The following DGKD variants were observed in gnomAD, a reference collection of about 807,000 sequenced individuals.
The protein encoded by DGKD is DAG kinase delta.
Under a neutral mutation model 154.4 loss-of-function variants are expected in DGKD, and 68 were observed. The observed-to-expected ratio is 0.44, with a 90% CI of 0.36 to 0.54. The LOEUF (loss-of-function observed/expected upper bound fraction) is 0.54. Among genes scored for constraint, DGKD ranks in the 20% least tolerant of loss-of-function variants. The pLI is 0.00. For synonymous variants in DGKD, 693 were observed against 638.0 expected, an observed-to-expected ratio of 1.09 and a Z score of -1.30; for missense variants, 1,343 against 1,593.6, an observed-to-expected ratio of 0.84 and a Z score of 2.68.
chr2:233,424,415 T>C (rs2062222056), intron 3 of DGKD, among the ~76,000 whole-genome samples: 1 of 152,224 alleles, frequency 6.6e-6, no homozygotes, highest in Non-Finnish European at 1.5e-5. Context: ...TTTGAACTCT[T>C]GGGAAACCTG....
chr2:233,365,633 T>G (rs1701989428), intron 1 of DGKD, among the ~76,000 whole-genome samples: 1 of 152,226 alleles, frequency 6.6e-6, no homozygotes, highest in Non-Finnish European at 1.5e-5. Context: ...CACAGGCACA[T>G]TTGTCGAAAT....
intron 12 of DGKD, 93 bp from the exon 13 acceptor site, chr2:233,447,994 G>C (rs1005575427): frequency 5.7e-6 from 9 of 1,582,604 alleles, no homozygotes; most frequent in Non-Finnish European, 7.7e-6. Flanking sequence ...CCCAGCTTGT[G>C]CTGGCAAGGA....
intron 3 of DGKD, among the ~76,000 whole-genome samples, chr2:233,430,759 A>G (rs2062481418): frequency 6.6e-6 from 1 of 152,220 alleles, no homozygotes; most frequent in Non-Finnish European, 1.5e-5. Context: ...TAAAAAGTTT[A>G]TACCCTGTTT....
Position 233,388,514 on chromosome 2 carries a change from A to C in DGKD, c.267+147A>C. 4.7e-6 allele frequency: 3 copies of C among 640,420 alleles called. No homozygotes were observed. The South Asian group carries it at 8.2e-5, about 18-fold the overall frequency. The allele number at this position is 640,420 out of a possible 1,614,324, so 39.7% of individuals were successfully genotyped here. On this transcript the variant is annotated intron_variant, in intron 2 of 29. Coordinates refer to ENST00000264057, the MANE Select transcript of DGKD (RefSeq NM_152879.3). ...GAGTTTTGTAACACTCCACGCTGTC[A>C]GGTTTTACTTGTCTCAAGGCATGTT...
At chr2:233,466,248 T>A (rs1394263738) in intron 27 of DGKD, among the ~76,000 whole-genome samples, 1 of 151,338 alleles carries the variant, frequency 6.6e-6, no homozygotes, top group Non-Finnish European at 1.5e-5. Context: ...CCTACTGAAA[T>A]TTTTTTTGTC....
chr2:233,416,102 C>T (rs1301012190), intron 3 of DGKD, among the ~76,000 whole-genome samples: 1 of 152,076 alleles, frequency 6.6e-6, no homozygotes, highest in Admixed American at 6.5e-5. Context: ...TCAGTATGTC[C>T]CCCTTTCCCT....
At chr2:233,379,502 C>T (rs1023166322) in intron 1 of DGKD, among the ~76,000 whole-genome samples, 3 of 152,092 alleles carry the variant, frequency 2.0e-5, no homozygotes, top group African/African-American at 7.2e-5. Context: ...TATGCTTCTT[C>T]CAGTCACCTG....
Position 233,454,758 on chromosome 2 carries a change from T to C in DGKD, c.2265-5T>C, listed in dbSNP as rs2063401548. 5 of 1,576,940 alleles carry C rather than the reference T, an allele frequency of 3.2e-6. No homozygotes were observed. The highest frequency in any genetic ancestry group is 4.4e-6 in the Non-Finnish European group (5 of 1,146,374). ...TTGTAATTGATTTAAAACTCACCTT[T>C]GCAGAGAGTATTACACGGAGAAATG... On this transcript the variant is annotated splice_region_variant and splice_polypyrimidine_tract_variant and intron_variant, in intron 18 of 29. Coordinates refer to ENST00000264057, the MANE Select transcript of DGKD (RefSeq NM_152879.3).
Position 233,438,510 on chromosome 2 carries a change from C to T in DGKD, c.1085+131C>T. 8.6e-7 allele frequency: 1 copy of T among 1,165,760 alleles called. No homozygotes were observed. Among genetic ancestry groups the T allele is most frequent in the Non-Finnish European group, 1.2e-6 (1 of 843,438 alleles). 72.2% of individuals were successfully genotyped at this position (1,165,760 alleles called of 1,614,324 possible). A position where few individuals can be genotyped will look rare whatever the true frequency, so the allele number is the denominator to read the frequency against. On this transcript the variant is annotated intron_variant, in intron 9 of 29. Coordinates refer to ENST00000264057, the MANE Select transcript of DGKD (RefSeq NM_152879.3). The surrounding 1 kb of genome is among the most constrained non-coding windows in gnomAD (Gnocchi z 4.1). ...AAGAAAAGTTGAACTGCTTCCTTCC[C>T]AAATTGCACTTGCAGAGGTGCCCAC...
At chr2:233,424,246 T>A (rs1188932566) in intron 3 of DGKD, among the ~76,000 whole-genome samples, 1 of 152,190 alleles carries the variant, frequency 6.6e-6, no homozygotes, top group African/African-American at 2.4e-5. Flanking sequence ...TAAAGTGTCA[T>A]TTATGAATGA....
Position 233,462,734 on chromosome 2 carries a change from T to C in DGKD, c.3185T>C (p.Leu1062Pro), listed in dbSNP as rs1185725011. The C allele has an allele frequency of 6.2e-7, 1 of 1,613,134 alleles. No individual in the cohort carries two copies. The highest frequency in any genetic ancestry group is 8.5e-7 in the Non-Finnish European group (1 of 1,179,660). ...CTGCTGCTGTCTGGGAAGATGGCCC[T>C]GGTAAGCTGGTGCCCCAGGGACAGC... ...TELLLSGKMA[L>P]QLDPPQKEQL... The change falls in exon 26 of 30, where the codon CTG becomes CCG. Residue 1062 changes from leucine (L) to proline (P), a missense_variant and splice_region_variant. Physicochemically the swap from Leu to Pro is moderately conservative, Grantham distance 98. Coordinates refer to ENST00000264057, the MANE Select transcript of DGKD (RefSeq NM_152879.3).
Position 233,469,735 on chromosome 2 carries a change from C to G in DGKD, c.*275C>G. On this transcript the variant is annotated 3_prime_UTR_variant, in exon 30 of 30. Coordinates refer to ENST00000264057, the MANE Select transcript of DGKD (RefSeq NM_152879.3). ...ACCTGGGGCACATGTGTCACGGCCACTCAGCTCTCGCCCGCCTGTGCTGTG... is the reference window on the plus strand; with the variant it reads ...ACCTGGGGCACATGTGTCACGGCCAGTCAGCTCTCGCCCGCCTGTGCTGTG... The G allele has an allele frequency of 4.5e-6, 2 of 442,266 alleles. No homozygotes were observed. Among genetic ancestry groups the G allele is most frequent in the Non-Finnish European group, 8.3e-6 (2 of 242,406 alleles). 27.4% of individuals were successfully genotyped at this position (442,266 alleles called of 1,614,324 possible). A position where few individuals can be genotyped will look rare whatever the true frequency, so the allele number is the denominator to read the frequency against.
intron 24 of DGKD, 139 bp from the exon 25 acceptor site, chr2:233,462,209 C>A: frequency 1.6e-6 from 1 of 635,070 alleles, no homozygotes; most frequent in Non-Finnish European, 2.7e-6. Context: ...CTGGGCTGAG[C>A]CACGATCCCT....
rs372316084 is a variant in DGKD, at chr2:233,434,759, G to T, written c.454-10G>T. 4 of 1,599,874 alleles carry T rather than the reference G, an allele frequency of 2.5e-6. No homozygotes were observed. Among genetic ancestry groups the T allele is most frequent in the Non-Finnish European group, 3.4e-6 (4 of 1,173,406 alleles). On this transcript the variant is annotated splice_polypyrimidine_tract_variant and intron_variant, in intron 4 of 29. Transcript: ENST00000264057. ...GTCTTATCTTTGCCCTCTTGGTTTC[G>T]TTCTTCCAGCCCACCCAGTACAGCA...
intron 12 of DGKD, chr2:233,447,620 G>C: frequency 1.0e-6 from 1 of 993,174 alleles, no homozygotes; most frequent in African/African-American, 1.7e-5. Context: ...TGGGTCCTAA[G>C]GACAGCAGGG....
intron 16 of DGKD, among the ~76,000 whole-genome samples, 196 bp from the exon 17 acceptor site, chr2:233,450,726 A>G (rs1333436690): frequency 6.6e-6 from 1 of 151,746 alleles, no homozygotes; most frequent in Non-Finnish European, 1.5e-5. Flanking sequence ...TAACCTCTCC[A>G]TGAGCCCAGC....
intron 8 of DGKD, 71 bp downstream of exon 8, chr2:233,437,550 C>T (rs1369032447): frequency 6.9e-7 from 1 of 1,445,950 alleles, no homozygotes; most frequent in African/African-American, 1.4e-5. Flanking sequence ...TTTCTCTTCT[C>T]CAGCTCTGGA....
intron 3 of DGKD, among the ~76,000 whole-genome samples, chr2:233,418,451 T>C (rs556237512): frequency 5.3e-4 from 81 of 152,374 alleles, no homozygotes; most frequent in Non-Finnish European, 1.0e-3. Flanking sequence ...AGTGAATAGG[T>C]AAGTAACACA....
At chr2:233,412,225 T>G (rs2061846679) in intron 3 of DGKD, among the ~76,000 whole-genome samples, 1 of 152,256 alleles carries the variant, frequency 6.6e-6, no homozygotes, top group African/African-American at 2.4e-5. Flanking sequence ...ACATTGAATC[T>G]TTAATGATGT....
Sources: allele counts gnomAD v4.1 joint callset (sites outside exome capture counted in the v4.1 genomes callset), GRCh38; gene constraint gnomAD v4.1.1; non-coding constraint Gnocchi (gnomAD v3.1); transcripts MANE v1.5; gene names NCBI Gene and HGNC (gene_info 2026-07-23, HGNC 2026-07-21).